Variants in DERA observed in about 807,000 individuals in gnomAD.
DERA encodes the protein 2-deoxy-D-ribose 5-phosphate aldolase.
Under a neutral mutation model 41.1 loss-of-function variants are expected in DERA, and 15 were observed. The observed-to-expected ratio is 0.37, with a 90% confidence interval of 0.24 to 0.56. The LOEUF (loss-of-function observed/expected upper bound fraction) is 0.56. Among genes scored for constraint, DERA ranks in the 20% least tolerant of loss-of-function variants. The pLI is 0.81. For missense variants in DERA, 396 were observed against 403.4 expected (o/e 0.98, Z 0.16); for synonymous variants, 139 against 137.4 (o/e 1.01, Z -0.08).
At chr12:16,023,025 ATT>A (rs1433791942) in intron 6 of DERA, among the ~76,000 whole-genome samples, 2 of 152,198 alleles carry the variant, frequency 1.3e-5, no homozygotes, top group African/African-American at 4.8e-5. Context: ...AGAGAAGGGC[ATT>A]TCCTCTCTAG....
In DERA at chr12:15,981,603, T is replaced by C. The variant is rs1324078026; in HGVS notation, c.509-705T>C. Among the ~76,000 whole-genome samples the C allele has an allele frequency of 6.6e-6, 1 of 152,180 alleles. No individual in the cohort carries two copies. Among genetic ancestry groups the C allele is most frequent in the Admixed American group, 6.5e-5 (1 of 15,284 alleles). ...CTACCTTTCATGTAAAATGTTACCT[T>C]GAATATGAAATATGAAATAAATCTG... is the stretch of plus-strand genomic sequence containing the variant. On this transcript the variant is annotated intron_variant, in intron 5 of 8. Transcript: ENST00000428559. The surrounding 1 kb of genome is among the most constrained non-coding windows in gnomAD (Gnocchi z 6.1).
rs1231008761 is a variant in DERA, at chr12:16,008,406, G to A, written c.638-24136G>A. Among the ~76,000 whole-genome samples, 3 of 151,814 alleles carry A rather than the reference G, an allele frequency of 2.0e-5. No individual in the cohort carries two copies. Among genetic ancestry groups the A allele is most frequent in the East Asian group, 1.9e-4 (1 of 5,154 alleles). On this transcript the variant is annotated intron_variant, in intron 6 of 8. Transcript: ENST00000428559. The surrounding 1 kb of genome is among the most constrained non-coding windows in gnomAD (Gnocchi z 4.8). ...TGATTTGCCAGTGTAGATGGGGTGG[G>A]GAATTACCTGCATAGGCATAGCTGG... is the stretch of plus-strand genomic sequence containing the variant.
At chr12:16,028,394 G>A (rs982203053) in intron 6 of DERA, among the ~76,000 whole-genome samples, 1 of 152,192 alleles carries the variant, frequency 6.6e-6, no homozygotes, top group African/African-American at 2.4e-5. Context: ...ATCTTCAAGT[G>A]TATACTGATA....
In DERA at chr12:16,013,547, G is replaced by T. The variant is rs1409788337; in HGVS notation, c.638-18995G>T. 1.3e-5 allele frequency among the ~76,000 whole-genome samples: 2 copies of T among 152,230 alleles called. No homozygotes were observed. The highest frequency in any genetic ancestry group is 4.8e-5 in the African/African-American group (2 of 41,468). On this transcript the variant is annotated intron_variant, in intron 6 of 8. Coordinates refer to ENST00000428559, the MANE Select transcript of DERA (RefSeq NM_015954.4). The surrounding 1 kb of genome is among the most constrained non-coding windows in gnomAD (Gnocchi z 5.8). ...AGTTTCCTGAGGCCTCCCCAGCCAT[G>T]CTGAACTGTGAGTCAGTTAAACTTC...
chr12:15,960,031 T>C, intron 4 of DERA, 107 bp downstream of exon 4: 1 of 761,848 alleles, frequency 1.3e-6, no homozygotes, highest in Non-Finnish European at 2.0e-6. Flanking sequence ...TTAGTTTATG[T>C]ATTTAATTAG....
chr12:15,920,124 C>G (rs1948231511), intron 1 of DERA, among the ~76,000 whole-genome samples: 1 of 151,844 alleles, frequency 6.6e-6, no homozygotes, highest in South Asian at 2.1e-4. Context: ...GATAGAGACT[C>G]CTTATCTGTG....
chr12:15,964,924 A>G (rs1948612556), intron 5 of DERA, among the ~76,000 whole-genome samples: 1 of 152,238 alleles, frequency 6.6e-6, no homozygotes, highest in African/African-American at 2.4e-5. Context: ...TGCAAAATGT[A>G]ATGACAGATC....
chr12:15,931,323 T>C lies in DERA; in HGVS notation c.31+19909T>C, dbSNP rs1159074360. 1.3e-5 allele frequency among the ~76,000 whole-genome samples: 2 copies of C among 152,308 alleles called. No individual in the cohort carries two copies. The highest frequency in any genetic ancestry group is 1.5e-5 in the Non-Finnish European group (1 of 68,028). On this transcript the variant is annotated intron_variant, in intron 1 of 8. Transcript: ENST00000428559. The surrounding 1 kb of genome is among the most constrained non-coding windows in gnomAD (Gnocchi z 4.6). ...AAAGTTCTTCATCTAGTAGTTTTCA[T>C]TGAGAGGAAAGAGTTAAGTGGATTT... is the stretch of plus-strand genomic sequence containing the variant.
At chr12:15,919,677 C>A (rs1388760759) in intron 1 of DERA, among the ~76,000 whole-genome samples, 1 of 152,176 alleles carries the variant, frequency 6.6e-6, no homozygotes, top group African/African-American at 2.4e-5. Flanking sequence ...ATCTTGGCTC[C>A]AGCAAACTAT....
rs889511793 is a variant in DERA at position 16,017,027 on chromosome 12, G to A, written c.638-15515G>A. The stretch of plus-strand genomic sequence containing the variant: ...CGTCTACCAGTATTTTGAAGGGTTT[G>A]CATAATTATGCAGAATCTTCTCCTA... On this transcript the variant is annotated intron_variant, in intron 6 of 8. Coordinates refer to ENST00000428559, the MANE Select transcript of DERA (RefSeq NM_015954.4). This position sits in a 1 kb window ranked among gnomAD's most constrained non-coding sequence, Gnocchi z 5.5. Among the ~76,000 whole-genome samples the A allele has an allele frequency of 6.6e-6, 1 of 152,116 alleles. No homozygotes were observed. Among genetic ancestry groups the A allele is most frequent in the Non-Finnish European group, 1.5e-5 (1 of 68,024 alleles).
chr12:16,034,075 C>G (rs1271640613), intron 7 of DERA, among the ~76,000 whole-genome samples: 4 of 152,118 alleles, frequency 2.6e-5, no homozygotes, highest in Non-Finnish European at 2.9e-5. Context: ...ATATCAAAAC[C>G]AAATGTGAAG....
chr12:15,959,854 T>C lies in DERA; in HGVS notation c.303T>C (p.Val101=). The C allele has an allele frequency of 6.5e-7, 1 of 1,549,072 alleles. No homozygotes were observed. Among genetic ancestry groups the C allele is most frequent in the Non-Finnish European group, 8.7e-7 (1 of 1,144,240 alleles). The part of the protein sequence containing the change: ...DKGITTAAVC[V]YPARVCDAVK... ...GCATTACTACAGCCGCCGTTTGTGT[T>C]TATCCCGCCCGGGTGTGTGATGCTG... Residue 101 remains valine (V), a synonymous_variant, in exon 4 of 9, where the codon GTT becomes GTC. Transcript: ENST00000428559. The surrounding 1 kb of genome is among the most constrained non-coding windows in gnomAD (Gnocchi z 4.5).
rs1473248578 is a variant in DERA, at chr12:15,966,676, G to T, written c.508+3729G>T. ...TGGCTTTGGTGCCTACATTCCTGAG[G>T]TCTTCCTTTCTGTTTCTGATTACCC... On this transcript the variant is annotated intron_variant, in intron 5 of 8. Transcript: ENST00000428559. This position sits in a 1 kb window ranked among gnomAD's most constrained non-coding sequence, Gnocchi z 5.1. Among the ~76,000 whole-genome samples the T allele has an allele frequency of 6.6e-6, 1 of 151,834 alleles. No homozygotes were observed. The highest frequency in any genetic ancestry group is 1.5e-5 in the Non-Finnish European group (1 of 67,960).
intron 1 of DERA, among the ~76,000 whole-genome samples, chr12:15,947,974 C>T (rs1400803398): frequency 6.6e-6 from 1 of 152,126 alleles, no homozygotes; most frequent in African/African-American, 2.4e-5. Context: ...CTTAGTTTGG[C>T]TGGTTATGAA....
At chr12:15,923,184 G>A (rs1196830880) in intron 1 of DERA, among the ~76,000 whole-genome samples, 3 of 150,936 alleles carry the variant, frequency 2.0e-5, no homozygotes, top group Admixed American at 6.6e-5. Flanking sequence ...CACTACGCCC[G>A]GCTAATTTTT....
chr12:16,031,302 A>G lies in DERA; in HGVS notation c.638-1240A>G, dbSNP rs1402980815. 2.6e-5 allele frequency among the ~76,000 whole-genome samples: 4 copies of G among 152,146 alleles called. No individual in the cohort carries two copies. The South Asian group carries it at 8.3e-4, about 32-fold the overall frequency. ...GAATTTTTTGTATTTATATTTTTCC[A>G]TATGCCTTATACACAGTGTGCTTAA... is the stretch of plus-strand genomic sequence containing the variant. On this transcript the variant is annotated intron_variant, in intron 6 of 8. Coordinates refer to ENST00000428559, the MANE Select transcript of DERA (RefSeq NM_015954.4).
Position 15,945,301 on chromosome 12 carries a change from A to G in DERA, c.32-11635A>G, listed in dbSNP as rs1052720850. On this transcript the variant is annotated intron_variant, in intron 1 of 8. Coordinates refer to ENST00000428559, the MANE Select transcript of DERA (RefSeq NM_015954.4). ...AGTAGCTTGATGGGGATGGCATTGA[A>G]TCTATAAATTACCTTGGGCAGTATG... 2.3e-4 allele frequency among the ~76,000 whole-genome samples: 35 copies of G among 152,252 alleles called. 1 individual carries two copies. Among genetic ancestry groups the G allele is most frequent in the African/African-American group, 8.4e-4 (35 of 41,518 alleles).
Position 15,918,780 on chromosome 12 carries a change from G to T in DERA, c.31+7366G>T, listed in dbSNP as rs1948220569. ...AAAACTGACAACAGGAACGTGGTGG[G>T]ATTGGAAGGATAAAGACGAATTCAC... On this transcript the variant is annotated intron_variant, in intron 1 of 8. Transcript: ENST00000428559. The surrounding 1 kb of genome is among the most constrained non-coding windows in gnomAD (Gnocchi z 4.3). Among the ~76,000 whole-genome samples the T allele has an allele frequency of 6.6e-6, 1 of 152,144 alleles. No homozygotes were observed. The highest frequency in any genetic ancestry group is 1.5e-5 in the Non-Finnish European group (1 of 68,034).
chr12:15,930,092 G>T (rs2080816908), intron 1 of DERA, among the ~76,000 whole-genome samples: 1 of 152,168 alleles, frequency 6.6e-6, no homozygotes, highest in Non-Finnish European at 1.5e-5. Context: ...AGTTGGCGTG[G>T]TGCCTAGAAT....
Sources: allele counts gnomAD v4.1 joint callset (sites outside exome capture counted in the v4.1 genomes callset), GRCh38; gene constraint gnomAD v4.1.1; non-coding constraint Gnocchi (gnomAD v3.1); transcripts MANE v1.5; gene names NCBI Gene and HGNC (gene_info 2026-07-23, HGNC 2026-07-21).